The following WWOX variants were observed in gnomAD, a reference collection of about 807,000 sequenced individuals.
WWOX encodes the protein WW domain-containing oxidoreductase.
WWOX carries 69 observed loss-of-function variants against 46.2 expected under a neutral mutation model. The observed-to-expected ratio is 1.49, with a 90% CI of 1.23 to 1.82. The LOEUF (loss-of-function observed/expected upper bound fraction) is 1.82. WWOX is among the 40% of genes most tolerant of loss of function. The probability of loss-of-function intolerance (pLI) is 0.00; values close to 1 mark genes in which losing one functional copy is unlikely to be tolerated. For missense variants in WWOX, 919 were observed against 542.6 expected (o/e 1.69, Z -6.89); for synonymous variants, 359 against 202.6 (o/e 1.77, Z -6.56).
chr16:79,029,442 G>T lies in WWOX; in HGVS notation c.1057-182166G>T, dbSNP rs1054651196. 7.5e-4 allele frequency among the ~76,000 whole-genome samples: 115 copies of T among 152,340 alleles called. 1 individual carries two copies. Among genetic ancestry groups the T allele is most frequent in the South Asian group, 2.1e-4 (1 of 4,826 alleles). ...CATGTGTGCACCAGTAAAGGGTTCT[G>T]ATGTGTGATAAATTTATTTAGCTAT... On this transcript the variant is annotated intron_variant, in intron 8 of 8. Coordinates refer to ENST00000566780, the MANE Select transcript of WWOX (RefSeq NM_016373.4).
chr16:78,934,737 G>C (rs990924109), intron 8 of WWOX, among the ~76,000 whole-genome samples: 2 of 152,054 alleles, frequency 1.3e-5, no homozygotes, highest in Non-Finnish European at 2.9e-5. Context: ...GATTTAAAAG[G>C]ACAATGACAT....
chr16:78,542,154 C>T (rs977880472), intron 8 of WWOX, among the ~76,000 whole-genome samples: 6 of 145,370 alleles, frequency 4.1e-5, no homozygotes, highest in South Asian at 2.3e-4. Flanking sequence ...CTAGACATCT[C>T]AGGATTTGAA....
intron 8 of WWOX, among the ~76,000 whole-genome samples, chr16:78,837,302 C>T (rs1198894047): frequency 6.6e-6 from 1 of 152,178 alleles, no homozygotes; most frequent in Non-Finnish European, 1.5e-5. Context: ...TTTCTTCCAA[C>T]ACTTAGAGAA....
intron 5 of WWOX, among the ~76,000 whole-genome samples, chr16:78,267,756 CTGATTGAT>C (rs10618216): frequency 8.6e-5 from 13 of 151,766 alleles, no homozygotes; most frequent in African/African-American, 1.9e-4. Flanking sequence ...TCTGTTCCAC[CTGATTGAT>C]TGATTGATTG....
intron 8 of WWOX, among the ~76,000 whole-genome samples, chr16:79,024,548 C>G (rs1419387428): frequency 6.6e-6 from 1 of 152,182 alleles, no homozygotes; most frequent in Non-Finnish European, 1.5e-5. Context: ...ATTCTCCTGC[C>G]TCAGCCTCCC....
intron 5 of WWOX, among the ~76,000 whole-genome samples, chr16:78,218,759 C>CGT (rs1275059592): frequency 1.3e-5 from 2 of 152,222 alleles, no homozygotes; most frequent in African/African-American, 4.8e-5. Context: ...CAGTGTGCGC[C>CGT]GTGCAGTGTG....
chr16:78,545,774 C>G (rs2044015793), intron 8 of WWOX, among the ~76,000 whole-genome samples: 3 of 152,144 alleles, frequency 2.0e-5, no homozygotes, highest in Non-Finnish European at 4.4e-5. Flanking sequence ...GGCAGGGTCT[C>G]TCTGAGGCCT....
At chr16:78,928,298 G>C (rs911993466) in intron 8 of WWOX, among the ~76,000 whole-genome samples, 3 of 151,034 alleles carry the variant, frequency 2.0e-5, no homozygotes, top group African/African-American at 7.3e-5. Flanking sequence ...CGCCTCCCGG[G>C]TTCACGCCAT....
At chr16:78,777,570 G>T (rs186623884) in intron 8 of WWOX, among the ~76,000 whole-genome samples, 4 of 152,112 alleles carry the variant, frequency 2.6e-5, no homozygotes, top group African/African-American at 9.7e-5. Context: ...CAGTCCCAGC[G>T]TGGTATAATA....
intron 8 of WWOX, among the ~76,000 whole-genome samples, chr16:78,926,606 G>C (rs1412962983): frequency 6.6e-6 from 1 of 152,144 alleles, no homozygotes. Context: ...TGCGGGAGTG[G>C]TTTGTCAGTT....
chr16:78,367,723 G>C (rs1383168122), intron 5 of WWOX, among the ~76,000 whole-genome samples: 1 of 152,096 alleles, frequency 6.6e-6, no homozygotes, highest in East Asian at 1.9e-4. Flanking sequence ...ACAATGGACG[G>C]AGAACTACCA....
chr16:78,683,401 G>A (rs930721394), intron 8 of WWOX, among the ~76,000 whole-genome samples: 4 of 151,710 alleles, frequency 2.6e-5, no homozygotes, highest in Admixed American at 6.6e-5. Flanking sequence ...AAATTTAGGC[G>A]TGGTGGTGTG....
At chr16:78,403,661 C>G (rs1045422805) in intron 6 of WWOX, among the ~76,000 whole-genome samples, 2 of 152,340 alleles carry the variant, frequency 1.3e-5, no homozygotes, top group East Asian at 1.9e-4. Flanking sequence ...GTCATCCCCC[C>G]TGTGCCAGGC....
At chr16:78,307,857 T>C (rs1382323733) in intron 5 of WWOX, among the ~76,000 whole-genome samples, 1 of 152,178 alleles carries the variant, frequency 6.6e-6, no homozygotes, top group Non-Finnish European at 1.5e-5. Flanking sequence ...ACTAGATGTC[T>C]AGCATGTTAA....
intron 8 of WWOX, among the ~76,000 whole-genome samples, chr16:78,513,738 C>T (rs1446278825): frequency 1.3e-5 from 2 of 152,180 alleles, no homozygotes; most frequent in Non-Finnish European, 2.9e-5. Flanking sequence ...ATGTAAATGT[C>T]TCATATACCC....
At chr16:78,833,564 A>G (rs977796527) in intron 8 of WWOX, among the ~76,000 whole-genome samples, 1 of 152,276 alleles carries the variant, frequency 6.6e-6, no homozygotes, top group South Asian at 2.1e-4. Context: ...CAGTAGGCTT[A>G]TGGTGCTTGT....
At chr16:78,204,441 T>C (rs2036328224) in intron 5 of WWOX, among the ~76,000 whole-genome samples, 1 of 152,182 alleles carries the variant, frequency 6.6e-6, no homozygotes, top group African/African-American at 2.4e-5. Context: ...TATATAAAAA[T>C]GTACAGTTTA....
chr16:78,978,720 C>A (rs149321568), intron 8 of WWOX, among the ~76,000 whole-genome samples: 157 of 152,174 alleles, frequency 1.0e-3, no homozygotes, highest in African/African-American at 3.3e-3. Context: ...TGGGGAGGCG[C>A]TACACACTTT....
chr16:78,758,113 C>T (rs1052530895), intron 8 of WWOX, among the ~76,000 whole-genome samples: 3 of 152,022 alleles, frequency 2.0e-5, no homozygotes, highest in Non-Finnish European at 4.4e-5. Context: ...TTCTTTAAAT[C>T]AATTCATAGA....
Sources: gnomAD v4.1 joint callset for allele counts (sites outside exome capture counted in the v4.1 genomes callset) on GRCh38, gnomAD v4.1.1 for gene constraint, MANE v1.5 for transcripts, NCBI Gene and HGNC (gene_info 2026-07-23, HGNC 2026-07-21) for gene names.